The following KIF7 variants were observed in gnomAD, a reference collection of about 807,000 sequenced individuals.
The protein encoded by KIF7 is kinesin-like protein KIF7.
Under a neutral mutation model 135.7 loss-of-function variants are expected in KIF7, and 104 were observed. The ratio of observed to expected loss-of-function variants is 0.77; its 90% CI spans 0.65 to 0.90. The LOEUF is 0.90. Ranked by LOEUF, KIF7 falls within the 40% of genes least tolerant of loss-of-function variation. KIF7 has a pLI of 0.00. For missense variants in KIF7, 2,005 were observed against 1,839.1 expected (o/e 1.09, Z -1.65); for synonymous variants, 883 against 809.4 (o/e 1.09, Z -1.54).
At chr15:89,629,995 T>C (rs966134742) in intron 16 of KIF7, 19 of 538,166 alleles carry the variant, frequency 3.5e-5, no homozygotes, top group Admixed American at 9.4e-5. Context: ...TCTCCAGCCA[T>C]GGCCAAATGT....
intron 1 of KIF7, among the ~76,000 whole-genome samples, chr15:89,620,330 T>A (rs1029797156): frequency 1.3e-5 from 2 of 152,094 alleles, no homozygotes; most frequent in African/African-American, 4.8e-5. Flanking sequence ...CACCTTAGCC[T>A]CCCAGGGAGG....
downstream of KIF7, chr15:89,625,220 G>A: frequency 1.2e-6 from 2 of 1,613,696 alleles, no homozygotes; most frequent in South Asian, 2.2e-5. Flanking sequence ...CCTGGCAAGA[G>A]CAGGGGGCAA....
In KIF7 at chr15:89,649,346, A is replaced by T; in HGVS notation, c.551T>A (p.Val184Asp). Reference sequence around the variant, plus strand: ...CACCTCATCCAGGCCCTCCACGTCGACCTCCTTCACCCCGCACAGCACTGC... The same window carrying T: ...CACCTCATCCAGGCCCTCCACGTCGTCCTCCTTCACCCCGCACAGCACTGC... ...GNVVLCGVKE[V>D]DVEGLDEVLS... The change falls in exon 4 of 19, where the codon GTC (valine) becomes GAC (aspartate). Residue 184 changes from valine (V) to aspartate (D), a missense_variant. By Grantham distance (152) the Val-to-Asp change is radical. Transcript: ENST00000394412. The T allele has an allele frequency of 6.8e-7, 1 of 1,463,924 alleles. No individual in the cohort carries two copies. Among genetic ancestry groups the T allele is most frequent in the Non-Finnish European group, 9.1e-7 (1 of 1,103,252 alleles). The allele number at this position is 1,463,924 out of a possible 1,614,324, so 90.7% of individuals were successfully genotyped here. A position where few individuals can be genotyped will look rare whatever the true frequency, so the allele number is the denominator to read the frequency against.
At chr15:89,631,783 T>C in intron 14 of KIF7, 73 bp from the exon 15 acceptor site, 2 of 1,325,110 alleles carry the variant, frequency 1.5e-6, no homozygotes, top group Non-Finnish European at 1.0e-6. Flanking sequence ...AAGGGCCGGA[T>C]GTTAAGGAGG....
At chr15:89,646,680 C>G in intron 7 of KIF7, 150 bp downstream of exon 7, 1 of 746,852 alleles carries the variant, frequency 1.3e-6, no homozygotes. Context: ...GGCTCTTCCT[C>G]TGGGGACAGC....
chr15:89,642,068 C>G, intron 11 of KIF7, 135 bp downstream of exon 11: 2 of 914,150 alleles, frequency 2.2e-6, no homozygotes, highest in Non-Finnish European at 3.3e-6. Flanking sequence ...CCAGCCTCAC[C>G]CTGCAGGGCC....
At position 89,644,945 on chromosome 15, in the gene KIF7, G is replaced by T. The variant is rs1275757580; in HGVS notation, c.2191+68C>A. 12 of 1,587,010 alleles carry T rather than the reference G, an allele frequency of 7.6e-6. No individual in the cohort carries two copies. In the East Asian group the frequency reaches 2.7e-4, roughly 35 times the overall value. On this transcript the variant is annotated intron_variant, in intron 10 of 18. Coordinates refer to ENST00000394412, the MANE Select transcript of KIF7 (RefSeq NM_198525.3). Reference sequence around the variant, plus strand: ...CCACCTCATTGTTGAAATCCCTCTAGAACAGTGCAGAAGTAACGATGAGAA... The same window carrying T: ...CCACCTCATTGTTGAAATCCCTCTATAACAGTGCAGAAGTAACGATGAGAA...
chr15:89,647,525 G>A lies in KIF7; in HGVS notation c.1560+71C>T, dbSNP rs979055965. The A allele has an allele frequency of 3.6e-5, 49 of 1,370,558 alleles. No individual in the cohort carries two copies. The African/African-American group carries it at 5.1e-4, about 14-fold the overall frequency. The allele number at this position is 1,370,558 out of a possible 1,614,324, so 84.9% of individuals were successfully genotyped here. On this transcript the variant is annotated intron_variant, in intron 6 of 18. Coordinates refer to ENST00000394412, the MANE Select transcript of KIF7 (RefSeq NM_198525.3). ...CTACCCTAACTCCCTCCCATCCTGA[G>A]AAACTCAGCTCTGCCTTCCCTTCAT...
chr15:89,648,421 A>G lies in KIF7; in HGVS notation c.1277T>C (p.Leu426Pro). ...GCCGGGCAGCCCGGGCTCGGCCTGC[A>G]GCTCGCGCAAGAGGCTGTAGGCGGC... ...TDAAYSLLRELQAEPGLPGAA... is the reference protein window; with the variant it reads ...TDAAYSLLREPQAEPGLPGAA... Residue 426 changes from leucine (L) to proline (P), a missense_variant, in exon 5 of 19, where the codon CTG becomes CCG. Leu to Pro is a moderately conservative substitution (Grantham distance 98). Coordinates refer to ENST00000394412, the MANE Select transcript of KIF7 (RefSeq NM_198525.3). 2 of 1,120,850 alleles carry G rather than the reference A, an allele frequency of 1.8e-6. No individual in the cohort carries two copies. The highest frequency in any genetic ancestry group is 2.2e-6 in the Non-Finnish European group (2 of 916,706). 69.4% of individuals were successfully genotyped at this position (1,120,850 alleles called of 1,614,324 possible).
chr15:89,635,602 T>G (rs955192647), intron 11 of KIF7, among the ~76,000 whole-genome samples: 3 of 151,934 alleles, frequency 2.0e-5, no homozygotes, highest in African/African-American at 7.3e-5. Flanking sequence ...GTGAATGAAA[T>G]GAAGCGAGAA....
In KIF7 at chr15:89,632,991, AATCTTCT is replaced by A. The variant is rs1228999356; in HGVS notation, c.2719-2_2723del. On this transcript the variant is annotated splice_acceptor_variant and coding_sequence_variant, in exon 14 of 19. Transcript: ENST00000394412. LOFTEE classifies it high-confidence loss of function. ...GGTCCAGCCACTTCTTCTGCTCCTC[AATCTTCT>A]AAGGAAAAGTAGGGAGGGAGGGAGG... is the stretch of plus-strand genomic sequence containing the variant. 1 of 1,039,912 alleles carries A rather than the reference AATCTTCT, an allele frequency of 9.6e-7. No homozygotes were observed. Among genetic ancestry groups the A allele is most frequent in the Non-Finnish European group, 1.3e-6 (1 of 745,366 alleles). The allele number at this position is 1,039,912 out of a possible 1,614,324, so 64.4% of individuals were successfully genotyped here.
At chr15:89,624,665 C>T (rs1963483271), downstream of KIF7, 2 of 1,614,080 alleles carry the variant, frequency 1.2e-6, no homozygotes, top group Non-Finnish European at 1.7e-6. Flanking sequence ...TGGCATGCAT[C>T]CTCTCCTCTG....
chr15:89,625,005 G>A, downstream of KIF7: 4 of 1,614,090 alleles, frequency 2.5e-6, no homozygotes, highest in South Asian at 3.3e-5. Flanking sequence ...AGCTGGAGAT[G>A]CAAGCTTCTG....
Position 89,647,579 on chromosome 15 carries a change from T to C in KIF7, c.1560+17A>G. ...CCTCTGGGAAGCCTTCCCCGCACTG[T>C]GAAGCGGGCGCCGCACCTGCAGTTT... On this transcript the variant is annotated intron_variant, in intron 6 of 18. Transcript: ENST00000394412. 6.2e-7 allele frequency: 1 copy of C among 1,603,102 alleles called. No homozygotes were observed. The highest frequency in any genetic ancestry group is 8.5e-7 in the Non-Finnish European group (1 of 1,172,938).
intron 10 of KIF7, 120 bp from the exon 11 acceptor site, chr15:89,642,525 C>T: frequency 5.9e-6 from 4 of 679,028 alleles, no homozygotes; most frequent in Non-Finnish European, 9.9e-6. Context: ...CAAGCCTTTG[C>T]ACCACCAGTA....
intron 1 of KIF7, chr15:89,618,323 C>G: frequency 2.1e-6 from 2 of 937,368 alleles, no homozygotes; most frequent in South Asian, 2.7e-5. Flanking sequence ...ATTGTGATGG[C>G]TCTGAGTCCA....
intron 16 of KIF7, 165 bp from the exon 17 acceptor site, chr15:89,629,738 T>C (rs1405425202): frequency 2.5e-6 from 2 of 812,744 alleles, no homozygotes; most frequent in African/African-American, 3.4e-5. Context: ...TCAGCAGTGC[T>C]CTAGTTATCT....
At chr15:89,623,888 C>T, downstream of KIF7, 3 of 1,613,958 alleles carry the variant, frequency 1.9e-6, no homozygotes, top group Non-Finnish European at 8.5e-7. Flanking sequence ...ACGAAGACAC[C>T]AAGAACTCCT....
chr15:89,629,983 T>A lies in KIF7; in HGVS notation c.3318+304A>T, dbSNP rs193119241. 389 of 527,096 alleles carry A rather than the reference T, an allele frequency of 7.4e-4. 1 individual carries two copies. The East Asian group carries it at 0.013, about 18-fold the overall frequency. The allele number at this position is 527,096 out of a possible 1,614,324, so 32.7% of individuals were successfully genotyped here. On this transcript the variant is annotated intron_variant, in intron 16 of 18. Coordinates refer to ENST00000394412, the MANE Select transcript of KIF7 (RefSeq NM_198525.3). ...CCCCCACCACTGTGACAACCAAAAGTATCTCCAGCCATGGCCAAATGTCAC... is the reference window on the plus strand; with the variant it reads ...CCCCCACCACTGTGACAACCAAAAGAATCTCCAGCCATGGCCAAATGTCAC...
Sources: allele counts gnomAD v4.1 joint callset (sites outside exome capture counted in the v4.1 genomes callset), GRCh38; gene constraint gnomAD v4.1.1; transcripts MANE v1.5; gene names NCBI Gene and HGNC (gene_info 2026-07-23, HGNC 2026-07-21).